The following GPC5 variants were observed in gnomAD, a reference collection of about 807,000 sequenced individuals.
GPC5 encodes glypican 5.
In GPC5, 47 loss-of-function variants were observed where a neutral mutation model predicts 53.9. The ratio of observed to expected loss-of-function variants is 0.87; its 90% CI spans 0.69 to 1.11. The LOEUF (loss-of-function observed/expected upper bound fraction) is 1.11. Ranked by LOEUF, GPC5 falls within the 50% of genes most tolerant of loss-of-function variation. The pLI is 0.00. For missense variants in GPC5, 748 were observed against 713.1 expected, an observed-to-expected ratio of 1.05 and a Z score of -0.56; for synonymous variants, 286 against 263.3, an observed-to-expected ratio of 1.09 and a Z score of -0.84.
chr13:91,689,578 A>G (rs2035710140), intron 2 of GPC5, among the ~76,000 whole-genome samples: 2 of 151,158 alleles, frequency 1.3e-5, no homozygotes, highest in South Asian at 2.1e-4. Context: ...TGTTTTCTTT[A>G]TATCCTCACT....
chr13:92,855,752 G>C lies in GPC5; in HGVS notation c.1562-10530G>C, dbSNP rs923357459. On this transcript the variant is annotated intron_variant, in intron 7 of 7. Coordinates refer to ENST00000377067, the MANE Select transcript of GPC5 (RefSeq NM_004466.6). ...AGTCCCATAAACTAGAAAATCTTGA[G>C]AAAATGGATAAATTCCTAGAAACAC... 5.9e-5 allele frequency among the ~76,000 whole-genome samples: 9 copies of C among 151,920 alleles called. No individual in the cohort carries two copies. The South Asian group carries it at 6.2e-4, about 11-fold the overall frequency.
At chr13:92,728,971 T>G (rs1011885900) in intron 7 of GPC5, among the ~76,000 whole-genome samples, 1 of 151,336 alleles carries the variant, frequency 6.6e-6, no homozygotes, top group African/African-American at 2.4e-5. Context: ...AGAAAAAAAC[T>G]ATTTCTGTAA....
intron 7 of GPC5, among the ~76,000 whole-genome samples, chr13:92,302,165 A>T (rs949131421): frequency 6.6e-6 from 1 of 152,108 alleles, no homozygotes; most frequent in Non-Finnish European, 1.5e-5. Flanking sequence ...CCCATTCCAG[A>T]TCTTGCAAGT....
chr13:92,377,511 C>T (rs1472912905), intron 7 of GPC5, among the ~76,000 whole-genome samples: 1 of 152,086 alleles, frequency 6.6e-6, no homozygotes, highest in Non-Finnish European at 1.5e-5. Context: ...TTCAATTGTT[C>T]AGCTTTTCCA....
intron 5 of GPC5, among the ~76,000 whole-genome samples, chr13:91,769,098 C>T (rs1035083977): frequency 6.6e-6 from 1 of 152,174 alleles, no homozygotes; most frequent in African/African-American, 2.4e-5. Context: ...CCAAAATCTA[C>T]AGGGAATGCT....
chr13:92,226,315 G>A (rs568921999), intron 7 of GPC5, among the ~76,000 whole-genome samples: 1 of 152,244 alleles, frequency 6.6e-6, no homozygotes, highest in East Asian at 1.9e-4. Flanking sequence ...TGACAGAATT[G>A]TCAAGGGAGT....
intron 7 of GPC5, among the ~76,000 whole-genome samples, chr13:92,275,464 G>C (rs1179308958): frequency 6.6e-6 from 1 of 151,974 alleles, no homozygotes; most frequent in African/African-American, 2.4e-5. Flanking sequence ...ACATAATTTT[G>C]ACTTTCAATG....
chr13:92,278,157 A>G (rs542757032), intron 7 of GPC5, among the ~76,000 whole-genome samples: 1 of 152,052 alleles, frequency 6.6e-6, no homozygotes, highest in South Asian at 2.1e-4. Flanking sequence ...TAACATTAGT[A>G]TAAAGAAAGT....
chr13:91,463,097 C>T (rs531763331), intron 2 of GPC5, among the ~76,000 whole-genome samples: 64 of 152,098 alleles, frequency 4.2e-4, no homozygotes, highest in Admixed American at 9.8e-4. Context: ...CCCTTGAATA[C>T]CCAAATCCAC....
At chr13:91,908,356 G>A (rs923143138) in intron 6 of GPC5, among the ~76,000 whole-genome samples, 1 of 152,024 alleles carries the variant, frequency 6.6e-6, no homozygotes, top group African/African-American at 2.4e-5. Context: ...TTGAACATGG[G>A]AATCACTGTG....
At chr13:92,309,588 T>A (rs968782044) in intron 7 of GPC5, among the ~76,000 whole-genome samples, 8 of 152,136 alleles carry the variant, frequency 5.3e-5, no homozygotes, top group Non-Finnish European at 1.2e-4. Context: ...ATGACATTTT[T>A]ATTTTTTCTA....
At chr13:92,397,263 A>G (rs1018017464) in intron 7 of GPC5, among the ~76,000 whole-genome samples, 2 of 150,186 alleles carry the variant, frequency 1.3e-5, no homozygotes, top group African/African-American at 5.0e-5. Context: ...TAATTGAATC[A>G]TGGGGGCTGG....
At chr13:91,942,801 T>C (rs2039940003) in intron 6 of GPC5, among the ~76,000 whole-genome samples, 1 of 152,118 alleles carries the variant, frequency 6.6e-6, no homozygotes, top group Non-Finnish European at 1.5e-5. Context: ...GCTCAAGTCA[T>C]GCATCTGAAA....
At chr13:92,101,198 C>T (rs1214230321) in intron 6 of GPC5, among the ~76,000 whole-genome samples, 1 of 152,002 alleles carries the variant, frequency 6.6e-6, no homozygotes, top group Non-Finnish European at 1.5e-5. Flanking sequence ...TACCACATTC[C>T]CTCTTATTTT....
chr13:92,407,140 T>C (rs1428168317), intron 7 of GPC5, among the ~76,000 whole-genome samples: 2 of 152,208 alleles, frequency 1.3e-5, no homozygotes, highest in South Asian at 4.1e-4. Flanking sequence ...TGACTCATTT[T>C]GCAACAGGGA....
chr13:92,142,699 CTCA>C (rs1392172069), intron 6 of GPC5, among the ~76,000 whole-genome samples: 2 of 152,014 alleles, frequency 1.3e-5, no homozygotes, highest in African/African-American at 4.8e-5. Flanking sequence ...TGGCTGGATC[CTCA>C]TAACATATAC....
At chr13:92,003,445 A>G (rs544435567) in intron 6 of GPC5, among the ~76,000 whole-genome samples, 62 of 21,656 alleles carry the variant, frequency 2.9e-3, no homozygotes, top group Admixed American at 7.2e-3. Flanking sequence ...TTACCATCCA[A>G]TCGAGATTTT....
At chr13:92,111,626 A>AT (rs1322547018) in intron 6 of GPC5, among the ~76,000 whole-genome samples, 3 of 152,158 alleles carry the variant, frequency 2.0e-5, no homozygotes, top group African/African-American at 7.2e-5. Flanking sequence ...CATAAGTGCT[A>AT]TAGCAAGGTG....
intron 2 of GPC5, among the ~76,000 whole-genome samples, chr13:91,662,151 C>T (rs2035002494): frequency 6.6e-6 from 1 of 151,754 alleles, no homozygotes; most frequent in Non-Finnish European, 1.5e-5. Context: ...GGGACCTTTT[C>T]AATTAGAAGG....
Sources: gnomAD v4.1 joint callset for allele counts (sites outside exome capture counted in the v4.1 genomes callset) on GRCh38, gnomAD v4.1.1 for gene constraint, MANE v1.5 for transcripts, NCBI Gene and HGNC (gene_info 2026-07-23, HGNC 2026-07-21) for gene names.